The following HECTD4 variants were observed in gnomAD, a reference collection of about 807,000 sequenced individuals.
HECTD4 encodes HECT domain E3 ubiquitin protein ligase 4, also known as probable E3 ubiquitin-protein ligase HECTD4.
A neutral mutation model predicts 471.5 loss-of-function variants in HECTD4; 114 were observed. The observed-to-expected ratio is 0.24, with a 90% CI of 0.21 to 0.28. The LOEUF is 0.28. Ranked by LOEUF, HECTD4 falls within the 10% of genes least tolerant of loss-of-function variation. The pLI is 1.00. For missense variants in HECTD4, 3,866 were observed against 5,651.5 expected, an observed-to-expected ratio of 0.68 and a Z score of 10.13; for synonymous variants, 2,012 against 2,256.0, an observed-to-expected ratio of 0.89 and a Z score of 3.07.
intron 18 of HECTD4, 56 bp from the exon 19 acceptor site, chr12:112,259,321 A>G (rs2034092480): frequency 6.4e-7 from 1 of 1,567,574 alleles, no homozygotes; most frequent in Non-Finnish European, 8.7e-7. Flanking sequence ...CATGTGAAGA[A>G]GCACTAATGT....
chr12:112,261,067 G>A (rs2034134862), intron 18 of HECTD4, among the ~76,000 whole-genome samples: 1 of 152,116 alleles, frequency 6.6e-6, no homozygotes, highest in African/African-American at 2.4e-5. Flanking sequence ...GCAGAGATTA[G>A]GCTGTGCCCT....
At chr12:112,181,620 G>A (rs1249660430) in intron 62 of HECTD4, among the ~76,000 whole-genome samples, 3 of 152,142 alleles carry the variant, frequency 2.0e-5, no homozygotes, top group South Asian at 2.1e-4. Flanking sequence ...ACGCCACCAC[G>A]CCCAGCTTAT....
intron 1 of HECTD4, among the ~76,000 whole-genome samples, chr12:112,376,058 A>C (rs2036771445): frequency 6.6e-6 from 1 of 152,166 alleles, no homozygotes; most frequent in Admixed American, 6.5e-5. Flanking sequence ...GTTGGGCAAC[A>C]GAGCAGGACT....
chr12:112,163,047 G>A lies in HECTD4; in HGVS notation c.13115C>T (p.Thr4372Ile), dbSNP rs1441718507. ...YPMKIAPPDG[T>I]AGSPDSRYIR... ...TGGCCAGGGGAGGGCGGTACCTGCT[G>A]TGCCATCTGGGGGGGCGATCTTCAT... The change falls in exon 75 of 76, where the codon ACA becomes ATA. Residue 4372 changes from threonine (T) to isoleucine (I), a missense_variant. Transcript: ENST00000682272. This position sits in a 1 kb window ranked among gnomAD's most constrained non-coding sequence, Gnocchi z 8.2. 2 of 1,607,962 alleles carry A rather than the reference G, an allele frequency of 1.2e-6. No individual in the cohort carries two copies. The highest frequency in any genetic ancestry group is 8.5e-7 in the Non-Finnish European group (1 of 1,175,752).
intron 1 of HECTD4, among the ~76,000 whole-genome samples, chr12:112,346,348 C>T (rs1355059077): frequency 1.3e-5 from 2 of 152,132 alleles, no homozygotes; most frequent in Non-Finnish European, 2.9e-5. Flanking sequence ...AACAGGCATC[C>T]CAGAAATTCT....
Position 112,183,202 on chromosome 12 carries a change from C to A in HECTD4, c.10844G>T (p.Gly3615Val). ...ASLFNNNDLIGLSSLDGEDEL... is the reference protein window; with the variant it reads ...ASLFNNNDLIVLSSLDGEDEL... ...ATCTTCACCATCCAAACTTGACAAA[C>A]CAATCAAGTCATTATTGTTAAATAA... Residue 3615 changes from glycine (G) to valine (V), a missense_variant, in exon 62 of 76, where the codon GGT becomes GTT. Coordinates refer to ENST00000682272, the MANE Select transcript of HECTD4 (RefSeq NM_001388303.1). 1 of 1,613,954 alleles carries A rather than the reference C, an allele frequency of 6.2e-7. No individual in the cohort carries two copies. Among genetic ancestry groups the A allele is most frequent in the Non-Finnish European group, 8.5e-7 (1 of 1,179,862 alleles).
chr12:112,324,097 TCTTTC>T (rs1247588556), intron 1 of HECTD4, among the ~76,000 whole-genome samples: 2 of 90,406 alleles, frequency 2.2e-5, no homozygotes, highest in African/African-American at 1.4e-4. Flanking sequence ...TTTCTTTCTT[TCTTTC>T]CTCTCTCTCT....
At chr12:112,289,831 C>T (rs1007228568) in intron 7 of HECTD4, among the ~76,000 whole-genome samples, 2 of 152,054 alleles carry the variant, frequency 1.3e-5, no homozygotes, top group Non-Finnish European at 2.9e-5. Context: ...TGTGTACCAC[C>T]ACGCCCAGCT....
Position 112,172,658 on chromosome 12 carries a change from C to T in HECTD4, c.11785+13G>A. 1.9e-6 allele frequency: 3 copies of T among 1,613,116 alleles called. No individual in the cohort carries two copies. Among genetic ancestry groups the T allele is most frequent in the South Asian group, 1.1e-5 (1 of 91,048 alleles). ...CAGGCAGCAGGGGAGGGGATAGGCC[C>T]AGGGCCACATACTCAGGAGACAGGC... is the stretch of plus-strand genomic sequence containing the variant. On this transcript the variant is annotated intron_variant, in intron 67 of 75. Transcript: ENST00000682272.
chr12:112,182,938 T>A, intron 62 of HECTD4, 121 bp downstream of exon 62: 1 of 701,304 alleles, frequency 1.4e-6, no homozygotes, highest in African/African-American at 1.8e-5. Flanking sequence ...TTCTCTTTAA[T>A]GCAAGATGTT....
In HECTD4 at chr12:112,326,449, C is replaced by G. The variant is rs1286558550; in HGVS notation, c.178-6707G>C. 7.9e-5 allele frequency among the ~76,000 whole-genome samples: 12 copies of G among 152,210 alleles called. No homozygotes were observed. The East Asian group carries it at 2.1e-3, about 27-fold the overall frequency. ...TCAAGGCTGCAGTGAGCTATGATTG[C>G]ACCACTGCATTCCAACCTGAGTGAC... is the stretch of plus-strand genomic sequence containing the variant. On this transcript the variant is annotated intron_variant, in intron 1 of 75. Coordinates refer to ENST00000682272, the MANE Select transcript of HECTD4 (RefSeq NM_001388303.1).
Position 112,231,879 on chromosome 12 carries a change from C to T in HECTD4, c.5998-164G>A, listed in dbSNP as rs141814333. ...GTAAAATTTCCATAGACATCCCAGG[C>T]CTCATCCAGGCTGAGATAATGGTTA... On this transcript the variant is annotated intron_variant, in intron 38 of 75. Transcript: ENST00000682272. Among the ~76,000 whole-genome samples the T allele has an allele frequency of 4.9e-3, 752 of 152,168 alleles. 10 individuals are homozygous for T. Among genetic ancestry groups the T allele is most frequent in the African/African-American group, 0.017 (715 of 41,504 alleles).
chr12:112,237,014 C>T lies in HECTD4; in HGVS notation c.5375G>A (p.Cys1792Tyr). Reference protein sequence around the residue: ...LTNHLARATECCGNQAAGNDA... With the variant: ...LTNHLARATEYCGNQAAGNDA... Reference sequence around the variant, plus strand: ...ATTCCCAGCAGCCTGGTTGCCACAGCACTCTGTGGCTCGGGCAAGATGGTT... The same window carrying T: ...ATTCCCAGCAGCCTGGTTGCCACAGTACTCTGTGGCTCGGGCAAGATGGTT... The change falls in exon 35 of 76, where the codon TGC becomes TAC. Residue 1792 changes from cysteine (C) to tyrosine (Y), a missense_variant. Cys to Tyr is a radical substitution (Grantham distance 194). Transcript: ENST00000682272. 1 of 1,611,718 alleles carries T rather than the reference C, an allele frequency of 6.2e-7. No homozygotes were observed. The highest frequency in any genetic ancestry group is 8.5e-7 in the Non-Finnish European group (1 of 1,179,018).
In HECTD4 at chr12:112,382,170, C is replaced by T. The variant is rs2036907855; in HGVS notation, c.-42G>A. 3.3e-6 allele frequency: 4 copies of T among 1,212,050 alleles called. No individual in the cohort carries two copies. The highest frequency in any genetic ancestry group is 4.1e-6 in the Non-Finnish European group (4 of 975,294). 75.1% of individuals were successfully genotyped at this position (1,212,050 alleles called of 1,614,324 possible). Reference sequence around the variant, plus strand: ...TTGGCGCTGAGGAGCAGACGCCCGGCCGGGGGAAACGGAGCAGGAGCCGCC... The same window carrying T: ...TTGGCGCTGAGGAGCAGACGCCCGGTCGGGGGAAACGGAGCAGGAGCCGCC... On this transcript the variant is annotated 5_prime_UTR_variant, in exon 1 of 76. Coordinates refer to ENST00000682272, the MANE Select transcript of HECTD4 (RefSeq NM_001388303.1).
At chr12:112,221,010 G>A (rs2135554850) in intron 44 of HECTD4, among the ~76,000 whole-genome samples, 1 of 152,060 alleles carries the variant, frequency 6.6e-6, no homozygotes, top group East Asian at 1.9e-4. Flanking sequence ...GGAGTGCAAT[G>A]GCGCAATCTC....
At chr12:112,368,505 A>C (rs1176275693) in intron 1 of HECTD4, among the ~76,000 whole-genome samples, 1 of 152,234 alleles carries the variant, frequency 6.6e-6, no homozygotes. Flanking sequence ...ATTATCTTTA[A>C]AATAGCAGAT....
chr12:112,208,022 T>C (rs2032645151), intron 51 of HECTD4, 22 bp from the exon 52 acceptor site: 5 of 1,609,488 alleles, frequency 3.1e-6, no homozygotes, highest in South Asian at 1.1e-5. Context: ...AGGAACCTCA[T>C]GAACAGAGAA....
At chr12:112,300,269 C>G (rs1241242453) in intron 7 of HECTD4, among the ~76,000 whole-genome samples, 1 of 149,212 alleles carries the variant, frequency 6.7e-6, no homozygotes, top group Non-Finnish European at 1.5e-5. Context: ...GATCATGCCA[C>G]TCCACTCCAG....
At chr12:112,167,596 A>G in intron 71 of HECTD4, 58 bp from the exon 72 acceptor site, 1 of 1,364,580 alleles carries the variant, frequency 7.3e-7, no homozygotes, top group East Asian at 2.4e-5. Context: ...CCCGCCAGGG[A>G]ACATGTGTTT....
Sources: allele counts gnomAD v4.1 joint callset (sites outside exome capture counted in the v4.1 genomes callset), GRCh38; gene constraint gnomAD v4.1.1; non-coding constraint Gnocchi (gnomAD v3.1); transcripts MANE v1.5; gene names NCBI Gene and HGNC (gene_info 2026-07-23, HGNC 2026-07-21).